Variants in CNTN4 observed in about 807,000 individuals in gnomAD.
CNTN4 encodes contactin 4, also known as contactin-4.
A neutral mutation model predicts 122.5 loss-of-function variants in CNTN4; 77 were observed. That is an observed-to-expected ratio of 0.63 (90% CI 0.52 to 0.76). The LOEUF is 0.76. Ranked by LOEUF, CNTN4 falls within the 30% of genes least tolerant of loss-of-function variation. The pLI, the probability that CNTN4 is intolerant of heterozygous loss-of-function variation, is 0.00. For missense variants in CNTN4, 1,256 were observed against 1,259.1 expected, an observed-to-expected ratio of 1.00 and a Z score of 0.04; for synonymous variants, 512 against 447.0, an observed-to-expected ratio of 1.15 and a Z score of -1.83.
chr3:2,303,518 G>A (rs1459523684), intron 2 of CNTN4, among the ~76,000 whole-genome samples: 1 of 152,162 alleles, frequency 6.6e-6, no homozygotes, highest in Non-Finnish European at 1.5e-5. Context: ...GTTATAGCAT[G>A]TATCAATTTC....
chr3:2,429,587 G>A (rs911642912), intron 3 of CNTN4, among the ~76,000 whole-genome samples: 1 of 152,178 alleles, frequency 6.6e-6, no homozygotes, highest in Non-Finnish European at 1.5e-5. Context: ...CGTGCTGGGA[G>A]AACCACTACT....
In CNTN4 at chr3:3,027,558, T is replaced by C. The variant is rs560820999; in HGVS notation, c.1662+1281T>C. 3.3e-5 allele frequency among the ~76,000 whole-genome samples: 5 copies of C among 152,316 alleles called. No individual in the cohort carries two copies. The East Asian group carries it at 5.8e-4, about 18-fold the overall frequency. On this transcript the variant is annotated intron_variant, in intron 15 of 24. Coordinates refer to ENST00000418658, the MANE Select transcript of CNTN4 (RefSeq NM_175607.3). ...CCAATGTCTACCACAAAAGAAGTACTTGATAAACTTTAATGGTGGTATTAA... is the reference window on the plus strand; with the variant it reads ...CCAATGTCTACCACAAAAGAAGTACCTGATAAACTTTAATGGTGGTATTAA...
chr3:2,820,467 T>G (rs2092837583), intron 7 of CNTN4, among the ~76,000 whole-genome samples: 1 of 152,082 alleles, frequency 6.6e-6, no homozygotes, highest in Non-Finnish European at 1.5e-5. Flanking sequence ...TCATTTAGGG[T>G]TTTTATGCAG....
chr3:2,550,056 C>T (rs1183228794), intron 3 of CNTN4, among the ~76,000 whole-genome samples: 2 of 152,110 alleles, frequency 1.3e-5, no homozygotes, highest in East Asian at 3.9e-4. Flanking sequence ...TCCCCTTGGT[C>T]ATTTTTTATT....
intron 3 of CNTN4, among the ~76,000 whole-genome samples, chr3:2,445,017 ATCTC>A (rs59465434): frequency 0.022 from 3,283 of 151,390 alleles, 95 homozygotes; most frequent in African/African-American, 0.069. Flanking sequence ...AAAAAAATCT[ATCTC>A]TCTATCTATC....
chr3:2,533,330 G>A (rs531284369), intron 3 of CNTN4, among the ~76,000 whole-genome samples: 12 of 151,380 alleles, frequency 7.9e-5, no homozygotes, highest in South Asian at 2.1e-4. Context: ...TCCTTTTCCC[G>A]TGTCCAAGTG....
chr3:2,552,670 G>A (rs2078558413), intron 3 of CNTN4, among the ~76,000 whole-genome samples: 1 of 152,196 alleles, frequency 6.6e-6, no homozygotes, highest in African/African-American at 2.4e-5. Flanking sequence ...TTTGGAAGGT[G>A]AGCTGGGTAT....
intron 3 of CNTN4, among the ~76,000 whole-genome samples, chr3:2,524,528 A>C (rs1291923395): frequency 6.6e-6 from 1 of 152,148 alleles, no homozygotes; most frequent in Admixed American, 6.6e-5. Context: ...AATATGTTTA[A>C]ATTTTAGCAA....
intron 2 of CNTN4, among the ~76,000 whole-genome samples, chr3:2,157,087 AATGT>A (rs1482447103): frequency 6.6e-6 from 1 of 151,972 alleles, no homozygotes; most frequent in Non-Finnish European, 1.5e-5. Context: ...CATTGAGTCA[AATGT>A]ATCTTCACTA....
intron 3 of CNTN4, among the ~76,000 whole-genome samples, chr3:2,531,570 G>A (rs2077597385): frequency 6.6e-6 from 1 of 152,132 alleles, no homozygotes; most frequent in Admixed American, 6.6e-5. Context: ...AGTTGCAAAT[G>A]GGAGAGTAGT....
intron 6 of CNTN4, among the ~76,000 whole-genome samples, chr3:2,761,437 C>CGTGT (rs2090584834): frequency 1.5e-5 from 2 of 130,380 alleles, no homozygotes; most frequent in South Asian, 2.6e-4. Context: ...GTAAGTGTAA[C>CGTGT]CTGTGTGTGT....
intron 6 of CNTN4, among the ~76,000 whole-genome samples, chr3:2,786,579 A>C (rs1447092453): frequency 2.0e-5 from 3 of 152,148 alleles, no homozygotes; most frequent in African/African-American, 7.2e-5. Context: ...AAGACAAGAA[A>C]ATGATTCTCA....
intron 2 of CNTN4, among the ~76,000 whole-genome samples, chr3:2,255,222 T>G (rs182621722): frequency 4.0e-5 from 6 of 150,960 alleles, no homozygotes; most frequent in Admixed American, 2.6e-4. Context: ...TTCTGAGGGC[T>G]CTGTCCTGTT....
intron 3 of CNTN4, among the ~76,000 whole-genome samples, chr3:2,349,255 C>T (rs1240720699): frequency 6.6e-6 from 1 of 151,492 alleles, no homozygotes; most frequent in East Asian, 1.9e-4. Flanking sequence ...TTTTTTTTCA[C>T]ATGACCTTCT....
At chr3:2,390,418 T>C (rs539378344) in intron 3 of CNTN4, among the ~76,000 whole-genome samples, 2 of 152,258 alleles carry the variant, frequency 1.3e-5, no homozygotes, top group South Asian at 4.1e-4. Context: ...TATCCATTAA[T>C]ATATAATCAG....
chr3:2,250,773 T>C (rs2040346381), intron 2 of CNTN4, among the ~76,000 whole-genome samples: 1 of 151,892 alleles, frequency 6.6e-6, no homozygotes, highest in South Asian at 2.1e-4. Flanking sequence ...TGTGTAATCT[T>C]AACAGTCCTG....
chr3:2,193,935 A>T (rs2037711213), intron 2 of CNTN4, among the ~76,000 whole-genome samples: 1 of 152,138 alleles, frequency 6.6e-6, no homozygotes, highest in African/African-American at 2.4e-5. Flanking sequence ...GGTTTGTGTA[A>T]ATACACTCTA....
intron 2 of CNTN4, among the ~76,000 whole-genome samples, chr3:2,322,597 T>C (rs1353992527): frequency 6.6e-6 from 1 of 152,002 alleles, no homozygotes; most frequent in Non-Finnish European, 1.5e-5. Flanking sequence ...GTGTTGGAAA[T>C]GGATAATGGC....
intron 4 of CNTN4, among the ~76,000 whole-genome samples, chr3:2,598,844 T>C (rs1223232381): frequency 6.6e-6 from 1 of 151,762 alleles, no homozygotes. Context: ...TCCACTCTCT[T>C]GGTTTTGTGG....
Sources: gnomAD v4.1 joint callset for allele counts (sites outside exome capture counted in the v4.1 genomes callset) on GRCh38, gnomAD v4.1.1 for gene constraint, MANE v1.5 for transcripts, NCBI Gene and HGNC (gene_info 2026-07-23, HGNC 2026-07-21) for gene names.